Variants in FAM83H observed in about 807,000 individuals in gnomAD.
The protein encoded by FAM83H is scaffolding CK1 anchoring protein H, also known as protein FAM83H.
A neutral mutation model predicts 30.2 loss-of-function variants in FAM83H; 24 were observed. The ratio of observed to expected loss-of-function variants is 0.79; its 90% CI spans 0.57 to 1.12. The LOEUF is 1.12. FAM83H is among the 50% of genes most tolerant of loss of function. The probability of loss-of-function intolerance (pLI) is 0.00; values close to 1 mark genes in which losing one functional copy is unlikely to be tolerated. For missense variants in FAM83H, 2,038 were observed against 1,773.9 expected (o/e 1.15, Z -2.67); for synonymous variants, 1,013 against 821.7 (o/e 1.23, Z -3.98).
chr8:143,732,203 A>C, intron 1 of FAM83H: 4 of 985,406 alleles, frequency 4.1e-6, no homozygotes, highest in Non-Finnish European at 4.8e-6. Context: ...GAGACATGGG[A>C]AATACCTGGT....
rs782693124 is a variant in FAM83H, at chr8:143,728,126, G to C, written c.1335C>G (p.Thr445=). 30 of 1,610,506 alleles carry C rather than the reference G, an allele frequency of 1.9e-5. No homozygotes were observed. The highest frequency in any genetic ancestry group is 1.2e-4 in the Admixed American group (7 of 59,924). Residue 445 remains threonine, a synonymous_variant, in exon 5 of 5, where the codon ACC becomes ACG. Transcript: ENST00000388913. ...LSHGDDFRFQ[T]SHFHRDQLYQ... is the part of the protein sequence containing the mutation. ...AGAGCTGGTCACGGTGGAAGTGGCTGGTCTGGAAGCGGAAGTCGTCGCCGT... is the reference window on the plus strand; with the variant it reads ...AGAGCTGGTCACGGTGGAAGTGGCTCGTCTGGAAGCGGAAGTCGTCGCCGT...
rs1238556321 is a variant in FAM83H, at chr8:143,725,506, G to C, written c.*415C>G. The C allele has an allele frequency of 4.1e-6, 1 of 241,272 alleles. No homozygotes were observed. Among genetic ancestry groups the C allele is most frequent in the East Asian group, 9.9e-5 (1 of 10,144 alleles). The allele number at this position is 241,272 out of a possible 1,614,324, so 14.9% of individuals were successfully genotyped here. ...AGCTACTCAGGAGGCTGAGGCAGGA[G>C]AATCGCTGGAACCCGGGAGGCAGAG... is the stretch of plus-strand genomic sequence containing the variant. On this transcript the variant is annotated 3_prime_UTR_variant, in exon 5 of 5. Coordinates refer to ENST00000388913, the MANE Select transcript of FAM83H (RefSeq NM_198488.5).
At position 143,726,173 on chromosome 8, in the gene FAM83H, C is replaced by T. The variant is rs1554621603; in HGVS notation, c.3288G>A (p.Ser1096=). 6 of 1,612,114 alleles carry T rather than the reference C, an allele frequency of 3.7e-6. No individual in the cohort carries two copies. The highest frequency in any genetic ancestry group is 5.1e-6 in the Non-Finnish European group (6 of 1,179,658). ...DKDKCSAIFR[S]DSLGTQGRLS... Reference sequence around the variant, plus strand: ...GCCGGCCCTGGGTCCCCAAGCTGTCCGAGCGGAAGATGGCTGAACACTTGT... The same window carrying T: ...GCCGGCCCTGGGTCCCCAAGCTGTCTGAGCGGAAGATGGCTGAACACTTGT... Residue 1096 remains serine, a synonymous_variant, in exon 5 of 5, where the codon TCG becomes TCA. Coordinates refer to ENST00000388913, the MANE Select transcript of FAM83H (RefSeq NM_198488.5).
chr8:143,726,958 A>C lies in FAM83H; in HGVS notation c.2503T>G (p.Phe835Val). 6.2e-7 allele frequency: 1 copy of C among 1,609,396 alleles called. No homozygotes were observed. Among genetic ancestry groups the C allele is most frequent in the Non-Finnish European group, 8.5e-7 (1 of 1,178,648 alleles). Residue 835 changes from phenylalanine (F) to valine (V), a missense_variant, in exon 5 of 5, where the codon TTC becomes GTC. Transcript: ENST00000388913. ...RSGSDRLPSR[F>V]LSAQSHSTSP... ...GTTGAGTGGCTCTGGGCAGAGAGGAAGCGGGAAGGCAGGCGGTCGGAGCCG... is the reference window on the plus strand; with the variant it reads ...GTTGAGTGGCTCTGGGCAGAGAGGACGCGGGAAGGCAGGCGGTCGGAGCCG...
At position 143,730,637 on chromosome 8, in the gene FAM83H, C is replaced by T. The variant is rs1554624287; in HGVS notation, c.-15-40G>A. 1.6e-5 allele frequency: 21 copies of T among 1,344,038 alleles called. No individual in the cohort carries two copies. In the South Asian group the frequency reaches 2.3e-4, roughly 15 times the overall value. 83.3% of individuals were successfully genotyped at this position (1,344,038 alleles called of 1,614,324 possible). On this transcript the variant is annotated intron_variant, in intron 1 of 4. Coordinates refer to ENST00000388913, the MANE Select transcript of FAM83H (RefSeq NM_198488.5). ...AGACACATGACTAGGGGTGGGGGCA[C>T]TGGGACCACTCCTACCCTCGAGCAT...
In FAM83H at chr8:143,726,642, G is replaced by A; in HGVS notation, c.2819C>T (p.Thr940Ile). The A allele has an allele frequency of 1.3e-6, 2 of 1,598,240 alleles. No homozygotes were observed. Among genetic ancestry groups the A allele is most frequent in the Non-Finnish European group, 1.7e-6 (2 of 1,177,684 alleles). Residue 940 changes from threonine (T) to isoleucine (I), a missense_variant, in exon 5 of 5, where the codon ACC (threonine) becomes ATC (isoleucine). Physicochemically the swap from Thr to Ile is moderately conservative, Grantham distance 89. Transcript: ENST00000388913. ...VPERRGSLTL[T>I]ISGESPKAGP... The stretch of plus-strand genomic sequence containing the variant: ...GGCCTTCGGGGACTCCCCGGAGATG[G>A]TAAGGGTGAGGCTGCCCCTGCGCTC...
chr8:143,732,193 G>A, intron 1 of FAM83H: 2 of 985,410 alleles, frequency 2.0e-6, no homozygotes, highest in Non-Finnish European at 2.4e-6. Context: ...ACATGGAGTT[G>A]AGACATGGGA....
Position 143,730,132 on chromosome 8 carries a change from G to A in FAM83H, c.447+4C>T, listed in dbSNP as rs782092983. 3.4e-5 allele frequency: 53 copies of A among 1,547,434 alleles called. No individual in the cohort carries two copies. The highest frequency in any genetic ancestry group is 6.9e-5 in the East Asian group (3 of 43,568). On this transcript the variant is annotated splice_donor_region_variant and intron_variant, in intron 2 of 4. Coordinates refer to ENST00000388913, the MANE Select transcript of FAM83H (RefSeq NM_198488.5). ...CCACTACCCTCAAGCCCAAGATGGCGCACCTGCTGGGCGGAACGGATCATC... is the reference window on the plus strand; with the variant it reads ...CCACTACCCTCAAGCCCAAGATGGCACACCTGCTGGGCGGAACGGATCATC...
rs1554623438 is a variant in FAM83H at position 143,728,484 on chromosome 8, G to A, written c.977C>T (p.Ala326Val). Residue 326 changes from alanine (A) to valine (V), a missense_variant, in exon 5 of 5, where the codon GCG becomes GTG. Physicochemically the swap from Ala to Val is moderately conservative, Grantham distance 64 (BLOSUM62 0). Transcript: ENST00000388913. Reference protein sequence around the residue: ...APTPFSFPKRAHLLFPPPREE... With the variant: ...APTPFSFPKRVHLLFPPPREE... ...CCGGGGTGGCGGGAACAGGAGGTGC[G>A]CTCGTTTAGGGAAGGAGAAGGGGGT... 8 of 1,553,908 alleles carry A rather than the reference G, an allele frequency of 5.1e-6. No individual in the cohort carries two copies. Among genetic ancestry groups the A allele is most frequent in the Non-Finnish European group, 5.2e-6 (6 of 1,148,730 alleles).
intron 3 of FAM83H, 22 bp from the exon 4 acceptor site, chr8:143,729,113 A>T (rs996623584): frequency 6.2e-7 from 1 of 1,613,378 alleles, no homozygotes; most frequent in African/African-American, 1.3e-5. Context: ...GGGGAGTCAG[A>T]TCTCTCCCAC....
In FAM83H at chr8:143,728,128, T is replaced by C. The variant is rs782084500; in HGVS notation, c.1333A>G (p.Thr445Ala). The part of the protein sequence containing the change: ...LSHGDDFRFQ[T>A]SHFHRDQLYQ... ...AGCTGGTCACGGTGGAAGTGGCTGG[T>C]CTGGAAGCGGAAGTCGTCGCCGTGG... The change falls in exon 5 of 5, where the codon ACC (threonine) becomes GCC (alanine). Residue 445 changes from threonine to alanine, a missense_variant. Transcript: ENST00000388913. 6.2e-7 allele frequency: 1 copy of C among 1,605,722 alleles called. No individual in the cohort carries two copies. Among genetic ancestry groups the C allele is most frequent in the Admixed American group, 1.7e-5 (1 of 59,198 alleles).
chr8:143,727,172 G>C lies in FAM83H; in HGVS notation c.2289C>G (p.Ala763=), dbSNP rs536735298. 23 of 1,533,890 alleles carry C rather than the reference G, an allele frequency of 1.5e-5. No individual in the cohort carries two copies. In the East Asian group the frequency reaches 3.9e-4, roughly 26 times the overall value. Reference sequence around the variant, plus strand: ...CTTCCCGCCACGCCTGGGACACGACGGCCTTGCTGTGGCTGGCAACGGTGA... The same window carrying C: ...CTTCCCGCCACGCCTGGGACACGACCGCCTTGCTGTGGCTGGCAACGGTGA... ...GAITVASHSK[A]VVSQAWREEV... Residue 763 remains alanine (A), a synonymous_variant, in exon 5 of 5, where the codon GCC becomes GCG. Coordinates refer to ENST00000388913, the MANE Select transcript of FAM83H (RefSeq NM_198488.5).
chr8:143,728,732 G>A lies in FAM83H; in HGVS notation c.738-9C>T. The A allele has an allele frequency of 1.3e-6, 2 of 1,598,876 alleles. No individual in the cohort carries two copies. The highest frequency in any genetic ancestry group is 1.7e-6 in the Non-Finnish European group (2 of 1,179,868). The stretch of plus-strand genomic sequence containing the variant: ...CAAAGGACCACATGAAGCTGTGGGG[G>A]GGTCAGGGCCAGAGTCAAACCGAGC... On this transcript the variant is annotated splice_polypyrimidine_tract_variant and intron_variant, in intron 4 of 4. Transcript: ENST00000388913.
chr8:143,726,537 G>T lies in FAM83H; in HGVS notation c.2924C>A (p.Pro975His). ...ATCCTCCATGCGCCGCTCGCCCTTG[G>T]GGCTCAGCAGCTGCCTAAGACGCAA... ...GSLRLRQLLS[P>H]KGERRMEDEG... The change falls in exon 5 of 5, where the codon CCC (proline) becomes CAC (histidine). Residue 975 changes from proline to histidine, a missense_variant. Pro to His is a moderately conservative substitution (Grantham distance 77). Transcript: ENST00000388913. 1 of 1,605,612 alleles carries T rather than the reference G, an allele frequency of 6.2e-7. No individual in the cohort carries two copies.
In FAM83H at chr8:143,725,158, G is replaced by GGGGGGGGGGGGGGGGGGGA. The variant is rs1818238308; in HGVS notation, c.*762_*763insTCCCCCCCCCCCCCCCCCC. On this transcript the variant is annotated 3_prime_UTR_variant, in exon 5 of 5. Transcript: ENST00000388913. The stretch of plus-strand genomic sequence containing the variant: ...GCCCAGGCGGGGGAGGGGGGAGACG[G>GGGGGGGGGGGGGGGGGGGA]GGGGGGGGGGGGGGGAGGGAAGGAG... The GGGGGGGGGGGGGGGGGGGA allele has an allele frequency of 1.5e-5, 1 of 65,216 alleles. No individual in the cohort carries two copies. Among genetic ancestry groups the GGGGGGGGGGGGGGGGGGGA allele is most frequent in the African/African-American group, 6.1e-5 (1 of 16,418 alleles). The allele number at this position is 65,216 out of a possible 1,614,324, so 4.0% of individuals were successfully genotyped here. A position where few individuals can be genotyped will look rare whatever the true frequency, so the allele number is the denominator to read the frequency against.
rs1554623066 is a variant in FAM83H, at chr8:143,728,015, A to T, written c.1446T>A (p.Gly482=). 1.2e-6 allele frequency: 2 copies of T among 1,600,942 alleles called. No individual in the cohort carries two copies. Among genetic ancestry groups the T allele is most frequent in the Admixed American group, 1.7e-5 (1 of 59,530 alleles). The change falls in exon 5 of 5, where the codon GGT becomes GGA. Residue 482 remains glycine, a synonymous_variant. Coordinates refer to ENST00000388913, the MANE Select transcript of FAM83H (RefSeq NM_198488.5). ...GGGTGAAGTCATCCGGGTCCGCGAA[A>T]CCCGCGCGGCCCCCGCGAAGCTTCT... ...LFEKLRGGRA[G]FADPDDFTLG... is the part of the protein sequence containing the mutation.
At position 143,726,258 on chromosome 8, in the gene FAM83H, C is replaced by A. The variant is rs532056702; in HGVS notation, c.3203G>T (p.Ser1068Ile). The change falls in exon 5 of 5, where the codon AGC becomes ATC. Residue 1068 changes from serine (S) to isoleucine (I), a missense_variant. Transcript: ENST00000388913. ...PAPSPGPTHN[S>I]PELGRPPAAG... ...AGCCGGTGGACGGCCTAGCTCGGGG[C>A]TGTTGTGGGTCGGGCCGGGGCTCGG... is the stretch of plus-strand genomic sequence containing the variant. 13 of 1,612,140 alleles carry A rather than the reference C, an allele frequency of 8.1e-6. No individual in the cohort carries two copies. The highest frequency in any genetic ancestry group is 1.1e-5 in the Non-Finnish European group (13 of 1,179,726).
Position 143,725,516 on chromosome 8 carries a change from A to C in FAM83H, c.*405T>G. 1 of 246,028 alleles carries C rather than the reference A, an allele frequency of 4.1e-6. No individual in the cohort carries two copies. The highest frequency in any genetic ancestry group is 8.0e-6 in the Non-Finnish European group (1 of 125,570). 15.2% of individuals were successfully genotyped at this position (246,028 alleles called of 1,614,324 possible). On this transcript the variant is annotated 3_prime_UTR_variant, in exon 5 of 5. Coordinates refer to ENST00000388913, the MANE Select transcript of FAM83H (RefSeq NM_198488.5). ...GAGGCTGAGGCAGGAGAATCGCTGGAACCCGGGAGGCAGAGGTTGCAGTGA... is the reference window on the plus strand; with the variant it reads ...GAGGCTGAGGCAGGAGAATCGCTGGCACCCGGGAGGCAGAGGTTGCAGTGA...
Position 143,726,614 on chromosome 8 carries a change from C to G in FAM83H, c.2847G>C (p.Gly949=). 6.2e-7 allele frequency: 1 copy of G among 1,600,056 alleles called. No homozygotes were observed. The highest frequency in any genetic ancestry group is 8.5e-7 in the Non-Finnish European group (1 of 1,178,668). ...LTISGESPKA[G]PAEEGPSGPM... Reference sequence around the variant, plus strand: ...GGCCGCTCGGCCCCTCCTCCGCGGGCCCGGCCTTCGGGGACTCCCCGGAGA... The same window carrying G: ...GGCCGCTCGGCCCCTCCTCCGCGGGGCCGGCCTTCGGGGACTCCCCGGAGA... The change falls in exon 5 of 5, where the codon GGG becomes GGC. Residue 949 remains glycine (G), a synonymous_variant. Coordinates refer to ENST00000388913, the MANE Select transcript of FAM83H (RefSeq NM_198488.5).
Sources: gnomAD v4.1 joint callset for allele counts on GRCh38, gnomAD v4.1.1 for gene constraint, MANE v1.5 for transcripts, NCBI Gene and HGNC (gene_info 2026-07-23, HGNC 2026-07-21) for gene names.